BANF2: variants seen among roughly 807,000 people sequenced by gnomAD.
BANF2 encodes the protein barrier-to-autointegration factor-like protein.
A neutral mutation model predicts 8.0 loss-of-function variants in BANF2; 4 were observed. The ratio of observed to expected loss-of-function variants is 0.50; its 90% confidence interval spans 0.25 to 1.14. The LOEUF (loss-of-function observed/expected upper bound fraction) is 1.14. Among genes scored for constraint, BANF2 ranks in the 50% most tolerant of loss-of-function variants. BANF2 has a pLI of 0.16. For missense variants in BANF2, 96 were observed against 107.5 expected (o/e 0.89, Z 0.47); for synonymous variants, 50 against 40.6 (o/e 1.23, Z -0.88).
At chr20:17,730,109 G>A (rs543944112) in intron 3 of BANF2, among the ~76,000 whole-genome samples, 2 of 152,292 alleles carry the variant, frequency 1.3e-5, no homozygotes, top group Non-Finnish European at 2.9e-5. Context: ...TGAGACTGGA[G>A]GAAATAGAAG....
chr20:17,699,429 G>T (rs2037379011), upstream of BANF2, among the ~76,000 whole-genome samples: 3 of 152,286 alleles, frequency 2.0e-5, no homozygotes, highest in South Asian at 6.2e-4. Flanking sequence ...CTTGAAGGTG[G>T]GAGGATTTAT....
chr20:17,732,250 A>G (rs1231332483), intron 3 of BANF2, among the ~76,000 whole-genome samples: 1 of 152,240 alleles, frequency 6.6e-6, no homozygotes, highest in Non-Finnish European at 1.5e-5. Flanking sequence ...GCTGTTTAGC[A>G]AGAAGTGGGC....
rs1479690904 is a variant in BANF2 at position 17,694,599 on chromosome 20, CTCTTTTTTTTTTT to C, written c.18+895_18+907del. ...AGGGGGCTATTTTTGTTTTTTCTCT[CTCTTTTTTTTTTT>C]TTTTTTTTTTTTTTTTTTTTTATTG... On this transcript the variant is annotated intron_variant, in intron 1 of 2. Transcript: ENST00000545418. 0.024 allele frequency among the ~76,000 whole-genome samples: 1,963 copies of C among 82,794 alleles called. 173 individuals carry two copies. In the East Asian group the frequency reaches 0.39, roughly 16 times the overall value. The allele number at this position is 82,794 out of a possible 152,430, so 54.3% of individuals were successfully genotyped here.
chr20:17,731,976 G>T (rs2037903475), intron 3 of BANF2, among the ~76,000 whole-genome samples: 1 of 151,576 alleles, frequency 6.6e-6, no homozygotes, highest in Non-Finnish European at 1.5e-5. Context: ...TGAGGCAGGA[G>T]AATCGCTTGA....
intron 1 of BANF2, among the ~76,000 whole-genome samples, chr20:17,694,273 AG>A (rs1307199423): frequency 6.6e-6 from 1 of 152,162 alleles, no homozygotes; most frequent in African/African-American, 2.4e-5. Context: ...ACAGAGTGGG[AG>A]GAGGCTATTT....
At chr20:17,723,519 A>G (rs1248756245) in intron 2 of BANF2, among the ~76,000 whole-genome samples, 2 of 152,240 alleles carry the variant, frequency 1.3e-5, no homozygotes, top group Non-Finnish European at 2.9e-5. Context: ...GCATGTGCTA[A>G]TAACACCTCC....
chr20:17,724,217 T>C (rs1268933452), intron 2 of BANF2, among the ~76,000 whole-genome samples: 5 of 152,138 alleles, frequency 3.3e-5, no homozygotes, highest in Non-Finnish European at 5.9e-5. Flanking sequence ...GGGATGAAAA[T>C]AGTTTTGCTA....
At chr20:17,732,603 C>T (rs557975591) in intron 3 of BANF2, among the ~76,000 whole-genome samples, 6 of 152,246 alleles carry the variant, frequency 3.9e-5, no homozygotes, top group Non-Finnish European at 5.9e-5. Context: ...ATGATCTGCC[C>T]GCTCAGCCTC....
intron 1 of BANF2, among the ~76,000 whole-genome samples, chr20:17,705,514 G>A (rs2037469810): frequency 6.6e-6 from 1 of 152,204 alleles, no homozygotes; most frequent in Non-Finnish European, 1.5e-5. Flanking sequence ...GCTAACTGAT[G>A]TTACTTAAAA....
At chr20:17,725,975 G>A (rs950163223) in intron 3 of BANF2, among the ~76,000 whole-genome samples, 1 of 152,096 alleles carries the variant, frequency 6.6e-6, no homozygotes, top group Non-Finnish European at 1.5e-5. Context: ...GAGAGCCATG[G>A]TTTTCTGATT....
intron 1 of BANF2, among the ~76,000 whole-genome samples, chr20:17,713,813 T>C (rs2037611317): frequency 6.6e-6 from 1 of 151,560 alleles, no homozygotes; most frequent in African/African-American, 2.4e-5. Context: ...CCAGCCTGGG[T>C]GACAGACTGA....
At chr20:17,730,628 C>T (rs1015427833) in intron 3 of BANF2, among the ~76,000 whole-genome samples, 2 of 152,236 alleles carry the variant, frequency 1.3e-5, no homozygotes, top group South Asian at 4.1e-4. Context: ...CATCTCCTCC[C>T]TCCGTTACTT....
intron 3 of BANF2, among the ~76,000 whole-genome samples, chr20:17,733,224 T>C (rs562354676): frequency 6.6e-6 from 1 of 152,306 alleles, no homozygotes; most frequent in East Asian, 1.9e-4. Context: ...GGGGATGCAT[T>C]AGCCTCCAGG....
chr20:17,723,837 A>C (rs1390541637), intron 2 of BANF2, among the ~76,000 whole-genome samples: 1 of 152,188 alleles, frequency 6.6e-6, no homozygotes, highest in Non-Finnish European at 1.5e-5. Flanking sequence ...TCTACTAAAA[A>C]TACAAAAATT....
At chr20:17,699,908 G>C, upstream of BANF2, 1 of 872,290 alleles carries the variant, frequency 1.1e-6, no homozygotes, top group Non-Finnish European at 1.4e-6. Flanking sequence ...CCGACCTGTG[G>C]TGTGACATCA....
Position 17,735,810 on chromosome 20 carries a change from A to G in BANF2, c.272A>G (p.Ter91TrpextTer15), listed in dbSNP as rs765181462. The G allele has an allele frequency of 4.3e-5, 69 of 1,612,806 alleles. No individual in the cohort carries two copies. Among genetic ancestry groups the G allele is most frequent in the Non-Finnish European group, 5.5e-5 (65 of 1,179,496 alleles). The part of the protein sequence containing the change: ...CLKEWCACFL[*>W] Reference sequence around the variant, plus strand: ...AAGGAGTGGTGTGCCTGCTTCCTGTAGACACAAACCTCATTGCTGCCCCCC... The same window carrying G: ...AAGGAGTGGTGTGCCTGCTTCCTGTGGACACAAACCTCATTGCTGCCCCCC... Residue 91 changes from the stop codon to tryptophan, a stop_lost, in exon 4 of 4, where the codon TAG becomes TGG. Coordinates refer to ENST00000246090, the MANE Select transcript of BANF2 (RefSeq NM_178477.5).
At chr20:17,735,553 C>A (rs2037964820) in intron 3 of BANF2, 112 bp from the exon 4 acceptor site, 2 of 1,299,592 alleles carry the variant, frequency 1.5e-6, no homozygotes, top group Non-Finnish European at 2.2e-6. Context: ...ATCGGCCCTG[C>A]TCCCCCTCCT....
intron 2 of BANF2, among the ~76,000 whole-genome samples, chr20:17,723,643 G>A (rs2037762904): frequency 6.6e-6 from 1 of 152,192 alleles, no homozygotes; most frequent in African/African-American, 2.4e-5. Context: ...AACCTTAAAT[G>A]TGGATTGGTT....
intron 1 of BANF2, among the ~76,000 whole-genome samples, chr20:17,708,690 T>A (rs908773090): frequency 8.5e-5 from 13 of 152,222 alleles, no homozygotes; most frequent in African/African-American, 3.1e-4. Context: ...GGCTTTTTCA[T>A]TTGCAACCCG....
Sources: allele counts gnomAD v4.1 joint callset (sites outside exome capture counted in the v4.1 genomes callset), GRCh38; gene constraint gnomAD v4.1.1; transcripts MANE v1.5; gene names NCBI Gene and HGNC (gene_info 2026-07-23, HGNC 2026-07-21).